Variants in GABRA4 observed in about 807,000 individuals in gnomAD.
The protein encoded by GABRA4 is gamma-aminobutyric acid receptor subunit alpha-4.
GABRA4 carries 12 observed loss-of-function variants against 49.7 expected under a neutral mutation model. The ratio of observed to expected loss-of-function variants is 0.24; its 90% CI spans 0.15 to 0.39. The LOEUF (loss-of-function observed/expected upper bound fraction) is 0.39, where lower values mean the gene tolerates loss of function less well. Ranked by LOEUF, GABRA4 falls within the 10% of genes least tolerant of loss-of-function variation. GABRA4 has a pLI of 1.00. For missense variants in GABRA4, 506 were observed against 686.0 expected (o/e 0.74, Z 2.93); for synonymous variants, 288 against 240.2 (o/e 1.20, Z -1.84).
intron 8 of GABRA4, among the ~76,000 whole-genome samples, chr4:46,930,334 T>G (rs1721385246): frequency 6.6e-6 from 1 of 152,120 alleles, no homozygotes; most frequent in Non-Finnish European, 1.5e-5. Context: ...AAATGTCACC[T>G]AATTAATCCT....
rs1721006246 is a variant in GABRA4, at chr4:46,921,036, T to C, written c.*7189A>G. 1.3e-5 allele frequency: 2 copies of C among 151,784 alleles called. No homozygotes were observed. Among genetic ancestry groups the C allele is most frequent in the African/African-American group, 4.8e-5 (2 of 41,420 alleles). The allele number at this position is 151,784 out of a possible 1,614,324, so 9.4% of individuals were successfully genotyped here. A position where few individuals can be genotyped will look rare whatever the true frequency, so the allele number is the denominator to read the frequency against. On this transcript the variant is annotated 3_prime_UTR_variant, in exon 9 of 9. Coordinates refer to ENST00000264318, the MANE Select transcript of GABRA4 (RefSeq NM_000809.4). ...AATATCGTAAATTTCCTTTGCATAGTTCCATTTTTCCATTTTGAAGTGGAG... is the reference window on the plus strand; with the variant it reads ...AATATCGTAAATTTCCTTTGCATAGCTCCATTTTTCCATTTTGAAGTGGAG...
intron 7 of GABRA4, 47 bp downstream of exon 7, chr4:46,971,036 T>A: frequency 1.3e-6 from 2 of 1,553,280 alleles, no homozygotes; most frequent in Non-Finnish European, 1.8e-6. Context: ...GAATCATGAA[T>A]AAAATGTAAT....
At chr4:46,959,758 CAAAAAAAAAAAAA>C (rs67861758) in intron 8 of GABRA4, among the ~76,000 whole-genome samples, 1 of 82,692 alleles carries the variant, frequency 1.2e-5, no homozygotes, top group African/African-American at 4.9e-5. Flanking sequence ...CATCACTTTG[CAAAAAAAAAAAAA>C]AAAAAGAAAA....
intron 2 of GABRA4, among the ~76,000 whole-genome samples, chr4:46,985,421 A>C (rs1419645239): frequency 2.6e-5 from 4 of 152,000 alleles, no homozygotes; most frequent in Non-Finnish European, 2.9e-5. Context: ...AAATGATTGA[A>C]TAGATGAAAA....
At chr4:46,957,914 G>A (rs1481759200) in intron 8 of GABRA4, among the ~76,000 whole-genome samples, 5 of 151,724 alleles carry the variant, frequency 3.3e-5, no homozygotes, top group Admixed American at 6.6e-5. Flanking sequence ...TTTTATTACT[G>A]GTACATAGAA....
At position 46,923,001 on chromosome 4, in the gene GABRA4, T is replaced by C. The variant is rs961236212; in HGVS notation, c.*5224A>G. ...GATTAGCGGCGGCATTAGATTCTCA[T>C]AGGAGGGCATGCAAGGTTGTCCGCT... On this transcript the variant is annotated 3_prime_UTR_variant, in exon 9 of 9. Transcript: ENST00000264318. 6.6e-6 allele frequency: 1 copy of C among 152,086 alleles called. No homozygotes were observed. The highest frequency in any genetic ancestry group is 1.5e-5 in the Non-Finnish European group (1 of 68,018). 9.4% of individuals were successfully genotyped at this position (152,086 alleles called of 1,614,324 possible).
At chr4:46,951,244 G>A (rs945258568) in intron 8 of GABRA4, among the ~76,000 whole-genome samples, 1 of 150,782 alleles carries the variant, frequency 6.6e-6, no homozygotes, top group East Asian at 1.9e-4. Context: ...ACTTTTTACT[G>A]TTATTATGTT....
Position 46,973,419 on chromosome 4 carries a change from C to A in GABRA4, c.721+813G>T, listed in dbSNP as rs188272844. The stretch of plus-strand genomic sequence containing the variant: ...TTCATAGAAGGTACTATTCTGTGAA[C>A]GAAGAAATGGGTCCTCATTGAACAC... On this transcript the variant is annotated intron_variant, in intron 6 of 8. Coordinates refer to ENST00000264318, the MANE Select transcript of GABRA4 (RefSeq NM_000809.4). 4.6e-5 allele frequency among the ~76,000 whole-genome samples: 7 copies of A among 151,812 alleles called. No homozygotes were observed. The South Asian group carries it at 1.0e-3, about 23-fold the overall frequency.
chr4:46,920,242 A>G lies in GABRA4; in HGVS notation c.*7983T>C, dbSNP rs1019190491. ...ACTTCAAGTAATAATTTGTATAGAT[A>G]CCCATGGAAATCTATAGTTTGCATA... is the stretch of plus-strand genomic sequence containing the variant. On this transcript the variant is annotated 3_prime_UTR_variant, in exon 9 of 9. Coordinates refer to ENST00000264318, the MANE Select transcript of GABRA4 (RefSeq NM_000809.4). The G allele has an allele frequency of 6.6e-6, 1 of 151,660 alleles. No homozygotes were observed. The highest frequency in any genetic ancestry group is 1.5e-5 in the Non-Finnish European group (1 of 67,632). 9.4% of individuals were successfully genotyped at this position (151,660 alleles called of 1,614,324 possible).
chr4:46,972,549 C>T (rs1722986112), intron 6 of GABRA4, among the ~76,000 whole-genome samples: 1 of 151,480 alleles, frequency 6.6e-6, no homozygotes, highest in South Asian at 2.1e-4. Context: ...ATCTATGCCA[C>T]AAATATATAC....
At chr4:46,954,508 A>C (rs1054307691) in intron 8 of GABRA4, among the ~76,000 whole-genome samples, 32 of 151,870 alleles carry the variant, frequency 2.1e-4, no homozygotes, top group African/African-American at 7.5e-4. Context: ...AATGAGCCAA[A>C]ATCGTGCCAT....
At chr4:46,971,617 GCA>G in intron 6 of GABRA4, among the ~76,000 whole-genome samples, 1 of 151,158 alleles carries the variant, frequency 6.6e-6, no homozygotes, top group African/African-American at 2.4e-5. Flanking sequence ...AAATAGAAAT[GCA>G]CACAGTTACA....
rs563926517 is a variant in GABRA4 at position 46,942,514 on chromosome 4, A to T, written c.1135-13759T>A. Among the ~76,000 whole-genome samples the T allele has an allele frequency of 3.3e-5, 5 of 152,062 alleles. No homozygotes were observed. The East Asian group carries it at 9.7e-4, about 29-fold the overall frequency. On this transcript the variant is annotated intron_variant, in intron 8 of 8. Transcript: ENST00000264318. ...GTGGTGCACACCTGTAATCCCAGCT[A>T]CTTGGGAGGCTGAGGCATGAGAATT...
chr4:46,932,407 T>G (rs566207027), intron 8 of GABRA4, among the ~76,000 whole-genome samples: 3 of 152,196 alleles, frequency 2.0e-5, no homozygotes, highest in African/African-American at 7.2e-5. Context: ...CTCACAAATG[T>G]GGAGGAGGCT....
intron 7 of GABRA4, among the ~76,000 whole-genome samples, chr4:46,967,617 A>G (rs904439795): frequency 6.6e-6 from 1 of 151,716 alleles, no homozygotes; most frequent in African/African-American, 2.4e-5. Flanking sequence ...GCAAACAGAA[A>G]CCAACTCTTC....
At chr4:46,975,052 C>T (rs1192791640) in intron 5 of GABRA4, among the ~76,000 whole-genome samples, 1 of 151,940 alleles carries the variant, frequency 6.6e-6, no homozygotes, top group Non-Finnish European at 1.5e-5. Flanking sequence ...CTCCCGGTGG[C>T]AATTTAAGCC....
chr4:46,974,469 T>C (rs1229680821), intron 5 of GABRA4, 94 bp from the exon 6 acceptor site: 15 of 1,163,796 alleles, frequency 1.3e-5, no homozygotes, highest in Non-Finnish European at 1.7e-5. Flanking sequence ...TCAAGAAAGA[T>C]GGAATAAATG....
At chr4:46,971,345 C>T in intron 6 of GABRA4, 110 bp from the exon 7 acceptor site, 1 of 960,242 alleles carries the variant, frequency 1.0e-6, no homozygotes, top group Non-Finnish European at 1.6e-6. Context: ...AAGAAATTCT[C>T]TTTTGTGCAT....
At chr4:46,991,602 A>T (rs541328710) in intron 2 of GABRA4, among the ~76,000 whole-genome samples, 1 of 152,190 alleles carries the variant, frequency 6.6e-6, no homozygotes, top group Non-Finnish European at 1.5e-5. Flanking sequence ...TTCTAATATT[A>T]GATGATACTC....
Sources: allele counts gnomAD v4.1 joint callset (sites outside exome capture counted in the v4.1 genomes callset), GRCh38; gene constraint gnomAD v4.1.1; transcripts MANE v1.5; gene names NCBI Gene and HGNC (gene_info 2026-07-23, HGNC 2026-07-21).